Variants in TUBA1C observed in about 807,000 individuals in gnomAD.
TUBA1C encodes the protein tubulin alpha-1C chain.
A neutral mutation model predicts 34.9 loss-of-function variants in TUBA1C; 16 were observed. That is an observed-to-expected ratio of 0.46 (90% CI 0.31 to 0.70). The LOEUF (loss-of-function observed/expected upper bound fraction) is 0.70. Among genes scored for constraint, TUBA1C ranks in the 30% least tolerant of loss-of-function variants. The pLI is 0.05. For missense variants in TUBA1C, 329 were observed against 587.3 expected (o/e 0.56, Z 4.55); for synonymous variants, 177 against 215.9 (o/e 0.82, Z 1.58).
At chr12:49,259,736 C>T (rs1942823993) in intron 1 of TUBA1C, among the ~76,000 whole-genome samples, 1 of 152,180 alleles carries the variant, frequency 6.6e-6, no homozygotes, top group South Asian at 2.1e-4. Context: ...ACCGGTTTCA[C>T]CTCTAAGTTT....
intron 1 of TUBA1C, among the ~76,000 whole-genome samples, chr12:49,245,451 TAAAAAA>T (rs1320705864): frequency 6.6e-6 from 1 of 151,826 alleles, no homozygotes; most frequent in East Asian, 1.9e-4. Flanking sequence ...AAAATAAAAA[TAAAAAA>T]ATTAACCAGG....
chr12:49,269,663 G>A lies in TUBA1C; in HGVS notation c.202G>A (p.Val68Ile), dbSNP rs1179337213. 5 of 1,614,076 alleles carry A rather than the reference G, an allele frequency of 3.1e-6. No individual in the cohort carries two copies. Among genetic ancestry groups the A allele is most frequent in the Non-Finnish European group, 4.2e-6 (5 of 1,180,042 alleles). Residue 68 changes from valine to isoleucine, a missense_variant, in exon 2 of 4, where the codon GTA (valine) becomes ATA (isoleucine). By Grantham distance (29) the Val-to-Ile change is conservative (BLOSUM62 3). Coordinates refer to ENST00000301072, the MANE Select transcript of TUBA1C (RefSeq NM_032704.5). ...CAAGCATGTGCCCCGGGCAGTGTTT[G>A]TAGACTTGGAACCCACAGTCATTGG... ...AGKHVPRAVFVDLEPTVIDEV... is the reference protein window; with the variant it reads ...AGKHVPRAVFIDLEPTVIDEV...
intron 1 of TUBA1C, among the ~76,000 whole-genome samples, chr12:49,239,153 AC>A (rs2136991645): frequency 6.6e-6 from 1 of 152,274 alleles, no homozygotes; most frequent in Non-Finnish European, 1.5e-5. Context: ...GGTAAAAATA[AC>A]AAAAGATTGT....
At chr12:49,249,146 G>A (rs1039492100) in intron 1 of TUBA1C, among the ~76,000 whole-genome samples, 2 of 151,514 alleles carry the variant, frequency 1.3e-5, no homozygotes, top group African/African-American at 2.4e-5. Flanking sequence ...ATAAAAAGAA[G>A]GCCGGGCGCG....
chr12:49,235,886 C>T (rs942040149), intron 1 of TUBA1C, among the ~76,000 whole-genome samples: 6 of 152,186 alleles, frequency 3.9e-5, no homozygotes, highest in African/African-American at 1.4e-4. Context: ...ACCTGAGGCT[C>T]AACTCATTTA....
At chr12:49,259,683 C>G (rs545128637) in intron 1 of TUBA1C, among the ~76,000 whole-genome samples, 1 of 152,188 alleles carries the variant, frequency 6.6e-6, no homozygotes, top group Non-Finnish European at 1.5e-5. Flanking sequence ...TAGAACAGAT[C>G]TTGGTTGTTA....
At chr12:49,244,007 G>A (rs1942643657) in intron 1 of TUBA1C, among the ~76,000 whole-genome samples, 1 of 151,880 alleles carries the variant, frequency 6.6e-6, no homozygotes. Context: ...AAAATTACCT[G>A]GGTGTGGTGG....
chr12:49,251,969 C>T (rs1022974039), intron 1 of TUBA1C, among the ~76,000 whole-genome samples: 48 of 152,162 alleles, frequency 3.2e-4, no homozygotes, highest in African/African-American at 1.1e-3. Context: ...ACTCAACGAA[C>T]TAGGAATAGA....
At position 49,273,594 on chromosome 12, in the gene TUBA1C, C is replaced by A; in HGVS notation, c.*367C>A. 6.2e-6 allele frequency: 2 copies of A among 324,598 alleles called. No homozygotes were observed. Among genetic ancestry groups the A allele is most frequent in the Non-Finnish European group, 1.2e-5 (2 of 168,678 alleles). The allele number at this position is 324,598 out of a possible 1,614,324, so 20.1% of individuals were successfully genotyped here. ...GTAGAGATGGGGCCTTGCTATGCTG[C>A]CCAGGGTGGTCTTCAACTGGCTTCA... On this transcript the variant is annotated 3_prime_UTR_variant, in exon 4 of 4. Transcript: ENST00000301072.
chr12:49,272,892 C>G lies in TUBA1C; in HGVS notation c.1015C>G (p.Arg339Gly). ...NAAIATIKTK[R>G]TIQFVDWCPT... ...TGCCATTGCCACCATCAAAACCAAG[C>G]GTACCATCCAGTTTGTGGATTGGTG... The change falls in exon 4 of 4, where the codon CGT becomes GGT. Residue 339 changes from arginine (R) to glycine (G), a missense_variant. By Grantham distance (125) the Arg-to-Gly change is moderately radical. Transcript: ENST00000301072. 6.2e-7 allele frequency: 1 copy of G among 1,614,156 alleles called. No individual in the cohort carries two copies. The highest frequency in any genetic ancestry group is 8.5e-7 in the Non-Finnish European group (1 of 1,180,020).
chr12:49,270,042 G>A (rs11168955), intron 3 of TUBA1C, 66 bp downstream of exon 3: 29,442 of 1,613,860 alleles, frequency 0.018, 448 homozygotes, highest in African/African-American at 0.063. Flanking sequence ...CCAAACTACA[G>A]AAATCATTCT....
rs770139860 is a variant in TUBA1C at position 49,273,101 on chromosome 12, C to T, written c.1224C>T (p.Tyr408=). The T allele has an allele frequency of 1.3e-5, 21 of 1,613,978 alleles. No homozygotes were observed. The East Asian group carries it at 1.8e-4, about 14-fold the overall frequency. ...CCAAGCGTGCCTTTGTTCACTGGTA[C>T]GTGGGTGAGGGGATGGAGGAAGGCG... The part of the protein sequence containing the change: ...MYAKRAFVHW[Y]VGEGMEEGEF... The change falls in exon 4 of 4, where the codon TAC becomes TAT. Residue 408 remains tyrosine, a synonymous_variant. Coordinates refer to ENST00000301072, the MANE Select transcript of TUBA1C (RefSeq NM_032704.5).
chr12:49,265,463 AG>A (rs1284742121), intron 1 of TUBA1C, among the ~76,000 whole-genome samples: 1 of 152,238 alleles, frequency 6.6e-6, no homozygotes, highest in Non-Finnish European at 1.5e-5. Context: ...CTACTGCCCT[AG>A]GGAGGAAGGT....
Position 49,272,887 on chromosome 12 carries a change from C to G in TUBA1C, c.1010C>G (p.Thr337Ser). ...DVNAAIATIK[T>S]KRTIQFVDWC... Reference sequence around the variant, plus strand: ...AATGCTGCCATTGCCACCATCAAAACCAAGCGTACCATCCAGTTTGTGGAT... The same window carrying G: ...AATGCTGCCATTGCCACCATCAAAAGCAAGCGTACCATCCAGTTTGTGGAT... Residue 337 changes from threonine to serine, a missense_variant, in exon 4 of 4, where the codon ACC (threonine) becomes AGC (serine). Physicochemically the swap from Thr to Ser is moderately conservative, Grantham distance 58. Around this residue, in one of 4 missense-constraint regions of TUBA1C, gnomAD observed 140 missense variants for 289.8 expected, o/e 0.48. Coordinates refer to ENST00000301072, the MANE Select transcript of TUBA1C (RefSeq NM_032704.5). The G allele has an allele frequency of 1.2e-6, 2 of 1,614,168 alleles. No homozygotes were observed. The highest frequency in any genetic ancestry group is 1.7e-6 in the Non-Finnish European group (2 of 1,180,012).
rs1943009713 is a variant in TUBA1C, at chr12:49,272,706, T to A, written c.829T>A (p.Ser277Thr). 3 of 1,612,412 alleles carry A rather than the reference T, an allele frequency of 1.9e-6. No homozygotes were observed. The change falls in exon 4 of 4, where the codon TCT (serine) becomes ACT (threonine). Residue 277 changes from serine (S) to threonine (T), a missense_variant. Ser to Thr is a moderately conservative substitution (Grantham distance 58). Around this residue, in one of 4 missense-constraint regions of TUBA1C, gnomAD observed 140 missense variants for 289.8 expected, o/e 0.48. Coordinates refer to ENST00000301072, the MANE Select transcript of TUBA1C (RefSeq NM_032704.5). ...TCTGGCCACATATGCCCCTGTCATCTCTGCTGAGAAAGCCTACCACGAACA... is the reference window on the plus strand; with the variant it reads ...TCTGGCCACATATGCCCCTGTCATCACTGCTGAGAAAGCCTACCACGAACA... The part of the protein sequence containing the change: ...FPLATYAPVI[S>T]AEKAYHEQLT...
intron 1 of TUBA1C, among the ~76,000 whole-genome samples, chr12:49,253,299 A>T (rs1437567662): frequency 6.6e-6 from 1 of 152,158 alleles, no homozygotes; most frequent in Non-Finnish European, 1.5e-5. Flanking sequence ...GTGAGCACAA[A>T]CAAGAAAATA....
intron 1 of TUBA1C, among the ~76,000 whole-genome samples, chr12:49,249,920 G>T (rs924110994): frequency 3.3e-5 from 5 of 151,974 alleles, no homozygotes; most frequent in Non-Finnish European, 7.4e-5. Context: ...AAAAAGGCCA[G>T]ACATGGTGGC....
At chr12:49,247,773 C>G (rs1217192543) in intron 1 of TUBA1C, among the ~76,000 whole-genome samples, 1 of 150,530 alleles carries the variant, frequency 6.6e-6, no homozygotes, top group Non-Finnish European at 1.5e-5. Context: ...TGGTGAAACC[C>G]CGTCTCTACT....
chr12:49,245,498 A>AC (rs1490190176), intron 1 of TUBA1C, among the ~76,000 whole-genome samples: 10 of 152,172 alleles, frequency 6.6e-5, no homozygotes, highest in African/African-American at 2.4e-4. Context: ...AGTCACAGCT[A>AC]CTCAGGAGGC....
Sources: gnomAD v4.1 joint callset for allele counts (sites outside exome capture counted in the v4.1 genomes callset) on GRCh38, gnomAD v4.1.1 for gene constraint, gnomAD v4.1.1 regional missense constraint, MANE v1.5 for transcripts, NCBI Gene and HGNC (gene_info 2026-07-23, HGNC 2026-07-21) for gene names.